MYO16: variants seen among roughly 807,000 people sequenced by gnomAD.
MYO16 encodes myosin XVI.
Under a neutral mutation model 205.3 loss-of-function variants are expected in MYO16, and 94 were observed. The ratio of observed to expected loss-of-function variants is 0.46; its 90% CI spans 0.39 to 0.54. The LOEUF (loss-of-function observed/expected upper bound fraction) is 0.54. Ranked by LOEUF, MYO16 falls within the 20% of genes least tolerant of loss-of-function variation. The pLI, the probability that MYO16 is intolerant of heterozygous loss-of-function variation, is 0.00. For synonymous variants in MYO16, 988 were observed against 954.0 expected (o/e 1.04, Z -0.66); for missense variants, 2,315 against 2,387.5 (o/e 0.97, Z 0.63).
chr13:108,916,841 G>A (rs1199600186), intron 16 of MYO16, among the ~76,000 whole-genome samples: 1 of 152,130 alleles, frequency 6.6e-6, no homozygotes, highest in Non-Finnish European at 1.5e-5. Context: ...TGGAATATTT[G>A]GTAAATGACA....
At chr13:108,917,367 G>A (rs1881542686) in intron 16 of MYO16, among the ~76,000 whole-genome samples, 1 of 152,170 alleles carries the variant, frequency 6.6e-6, no homozygotes, top group Non-Finnish European at 1.5e-5. Flanking sequence ...GCACTAATGA[G>A]CAAGGAGCAA....
At chr13:109,002,316 T>A (rs1056555607) in intron 21 of MYO16, among the ~76,000 whole-genome samples, 8 of 152,190 alleles carry the variant, frequency 5.3e-5, no homozygotes, top group Non-Finnish European at 1.2e-4. Flanking sequence ...TTCAGATATG[T>A]TTCACTGAGT....
intron 34 of MYO16, among the ~76,000 whole-genome samples, chr13:109,185,904 A>G (rs1879667023): frequency 6.6e-6 from 1 of 152,216 alleles, no homozygotes; most frequent in African/African-American, 2.4e-5. Flanking sequence ...CTCACTTTCT[A>G]CAGATTATTC....
intron 27 of MYO16, chr13:109,065,436 A>G: frequency 5.1e-6 from 2 of 389,318 alleles, no homozygotes; most frequent in Non-Finnish European, 9.8e-6. Context: ...CCCGATATGT[A>G]TATGTTAGTT....
the MYO16 span, among the ~76,000 whole-genome samples, chr13:108,585,663 AT>A: frequency 1.3e-5 from 2 of 152,190 alleles, no homozygotes; most frequent in Non-Finnish European, 2.9e-5. Flanking sequence ...AAGGGAATAT[AT>A]TTTGGGGTTA....
chr13:108,528,957 GCAACATTTCAGGTCCCAGAAAA>G, the MYO16 span, among the ~76,000 whole-genome samples: 1 of 151,774 alleles, frequency 6.6e-6, no homozygotes, highest in South Asian at 2.1e-4. Flanking sequence ...CGACTCGATG[GCAACATTTCAGGTCCCAGAAAA>G]CTGCATACTC....
At chr13:109,167,767 C>T (rs1037559366) in intron 33 of MYO16, among the ~76,000 whole-genome samples, 34 of 151,854 alleles carry the variant, frequency 2.2e-4, no homozygotes, top group Non-Finnish European at 1.2e-4. Context: ...GTACTATCTT[C>T]GAAAAGTAGC....
intron 8 of MYO16, 130 bp from the exon 9 acceptor site, chr13:108,822,995 G>T: frequency 1.2e-6 from 1 of 849,400 alleles, no homozygotes; most frequent in Non-Finnish European, 1.8e-6. Flanking sequence ...AACTTTTAAG[G>T]TTTTTTGTTT....
At chr13:108,957,539 G>A (rs1438600803) in intron 16 of MYO16, 149 bp from the exon 17 acceptor site, 1 of 566,530 alleles carries the variant, frequency 1.8e-6, no homozygotes, top group Non-Finnish European at 3.3e-6. Context: ...CATGTGCTGT[G>A]ATGCACCAAA....
intron 17 of MYO16, among the ~76,000 whole-genome samples, chr13:108,958,209 ATT>A (rs1883453595): frequency 1.4e-5 from 2 of 147,632 alleles, no homozygotes; most frequent in Non-Finnish European, 3.0e-5. Context: ...TATAAATTAT[ATT>A]TATAAAATAT....
chr13:108,597,206 G>A (rs768914234), intron 1 of MYO16, among the ~76,000 whole-genome samples: 2 of 152,060 alleles, frequency 1.3e-5, no homozygotes, highest in Non-Finnish European at 1.5e-5. Flanking sequence ...AGACATTTTT[G>A]TTACTCTCTT....
intron 1 of MYO16, among the ~76,000 whole-genome samples, chr13:108,643,240 A>G (rs1880590923): frequency 6.6e-6 from 1 of 152,192 alleles, no homozygotes; most frequent in African/African-American, 2.4e-5. Context: ...ATGTCATGTA[A>G]ATGAAGTTGT....
At chr13:108,576,738 T>C in the MYO16 span, among the ~76,000 whole-genome samples, 1 of 152,130 alleles carries the variant, frequency 6.6e-6, no homozygotes, top group African/African-American at 2.4e-5. Context: ...CCCAGTGAAC[T>C]TTGCAGTGTT....
intron 20 of MYO16, among the ~76,000 whole-genome samples, chr13:108,967,830 C>T (rs1455324912): frequency 6.6e-6 from 1 of 152,096 alleles, no homozygotes; most frequent in Non-Finnish European, 1.5e-5. Context: ...AAAACGATGA[C>T]TCTAGGAAAA....
chr13:108,736,296 T>C (rs1884696272), intron 4 of MYO16, among the ~76,000 whole-genome samples: 2 of 152,244 alleles, frequency 1.3e-5, no homozygotes, highest in African/African-American at 4.8e-5. Context: ...TTGAAGTCTT[T>C]AATCCATCTC....
chr13:109,111,272 A>G (rs867606327), intron 28 of MYO16, among the ~76,000 whole-genome samples: 24 of 152,194 alleles, frequency 1.6e-4, no homozygotes, highest in African/African-American at 4.8e-4. Flanking sequence ...AAGGAGCACA[A>G]TGACATTCTG....
At chr13:108,872,316 A>C (rs1879109457) in intron 12 of MYO16, among the ~76,000 whole-genome samples, 2 of 152,196 alleles carry the variant, frequency 1.3e-5, no homozygotes. Flanking sequence ...GTATTAGCCA[A>C]ACTTTAACAT....
intron 1 of MYO16, among the ~76,000 whole-genome samples, chr13:108,652,394 T>A (rs1881052800): frequency 6.6e-6 from 1 of 152,366 alleles, no homozygotes; most frequent in Middle Eastern, 3.4e-3. Flanking sequence ...TATCACTTTC[T>A]TTCATGTTCC....
At chr13:108,698,668 A>C (rs1487385128) in intron 2 of MYO16, among the ~76,000 whole-genome samples, 1 of 152,210 alleles carries the variant, frequency 6.6e-6, no homozygotes, top group Non-Finnish European at 1.5e-5. Context: ...AATGGAAAGG[A>C]GAGTGAGAAA....
Sources: gnomAD v4.1 joint callset for allele counts (sites outside exome capture counted in the v4.1 genomes callset) on GRCh38, gnomAD v4.1.1 for gene constraint, MANE v1.5 for transcripts, NCBI Gene and HGNC (gene_info 2026-07-23, HGNC 2026-07-21) for gene names.